The following DNAH11 variants were observed in gnomAD, a reference collection of about 807,000 sequenced individuals.
The protein encoded by DNAH11 is dynein axonemal heavy chain 11, also known as axonemal beta dynein heavy chain 11.
Under a neutral mutation model 526.0 loss-of-function variants are expected in DNAH11, and 442 were observed. The observed-to-expected ratio is 0.84, with a 90% CI of 0.78 to 0.91. The LOEUF (loss-of-function observed/expected upper bound fraction) is 0.91. DNAH11 is among the 40% of genes least tolerant of loss of function. DNAH11 has a pLI of 0.00. For missense variants in DNAH11, 6,989 were observed against 5,448.7 expected (o/e 1.28, Z -8.90); for synonymous variants, 2,461 against 1,935.9 (o/e 1.27, Z -7.12).
intron 50 of DNAH11, 56 bp downstream of exon 50, chr7:21,744,655 G>C: frequency 1.3e-6 from 2 of 1,587,082 alleles, no homozygotes; most frequent in Non-Finnish European, 1.7e-6. Context: ...TGGGTATTGG[G>C]ACTAAAGTTA....
chr7:21,626,157 T>C (rs2128456461), intron 25 of DNAH11, among the ~76,000 whole-genome samples: 1 of 152,232 alleles, frequency 6.6e-6, no homozygotes, highest in East Asian at 1.9e-4. Context: ...TAACACTGGG[T>C]CTTATGAGAC....
rs1176978999 is a variant in DNAH11 at position 21,543,350 on chromosome 7, C to T, written c.105C>T (p.Leu35=). ...TGGAGGCAGTGGGCGCTGTGGAGCT[C>T]GAGGAGGAGGAGGAGAACGAGGAGG... ...AGLEAVGAVE[L]EEEEENEEEA... Residue 35 remains leucine (L), a synonymous_variant, in exon 1 of 82, where the codon CTC becomes CTT. Transcript: ENST00000409508. The T allele has an allele frequency of 6.6e-6, 10 of 1,517,292 alleles. No homozygotes were observed. Among genetic ancestry groups the T allele is most frequent in the Non-Finnish European group, 8.0e-6 (9 of 1,122,062 alleles). The allele number at this position is 1,517,292 out of a possible 1,614,324, so 94.0% of individuals were successfully genotyped here.
chr7:21,597,180 C>T (rs1383705412), intron 14 of DNAH11, among the ~76,000 whole-genome samples: 5 of 152,004 alleles, frequency 3.3e-5, no homozygotes, highest in East Asian at 1.9e-4. Context: ...CTCTTCCTTT[C>T]GCTCCCTTTA....
chr7:21,764,414 G>A (rs959834040), intron 54 of DNAH11, among the ~76,000 whole-genome samples: 7 of 152,090 alleles, frequency 4.6e-5, no homozygotes, highest in Non-Finnish European at 8.8e-5. Flanking sequence ...TAGAGACTTA[G>A]AGGCAGCCAC....
chr7:21,763,329 A>G (rs2893048), intron 54 of DNAH11, among the ~76,000 whole-genome samples: 111,305 of 127,702 alleles, frequency 0.87, 49,001 homozygotes, highest in East Asian at 0.94. Context: ...GCAACAGAGC[A>G]AGACTGTCTC....
At chr7:21,850,171 A>G (rs959104692) in intron 66 of DNAH11, among the ~76,000 whole-genome samples, 2 of 149,840 alleles carry the variant, frequency 1.3e-5, no homozygotes, top group African/African-American at 5.0e-5. Flanking sequence ...CCTGGCTAAC[A>G]CGGTGAAACC....
chr7:21,815,008 A>C (rs929550548), intron 63 of DNAH11, among the ~76,000 whole-genome samples: 2 of 152,114 alleles, frequency 1.3e-5, no homozygotes, highest in Non-Finnish European at 2.9e-5. Flanking sequence ...GTCTTCATTT[A>C]TATTAAGATG....
rs1388542968 is a variant in DNAH11 at position 21,652,279 on chromosome 7, C to T, written c.4945-3553C>T. On this transcript the variant is annotated intron_variant, in intron 28 of 81. Coordinates refer to ENST00000409508, the MANE Select transcript of DNAH11 (RefSeq NM_001277115.2). ...GGAAAAACAAACATATTAAATAAAACAAACCTCCCAAACAACAAAAACTGA... is the reference window on the plus strand; with the variant it reads ...GGAAAAACAAACATATTAAATAAAATAAACCTCCCAAACAACAAAAACTGA... Among the ~76,000 whole-genome samples the T allele has an allele frequency of 2.6e-5, 4 of 152,154 alleles. No individual in the cohort carries two copies. In the East Asian group the frequency reaches 7.7e-4, roughly 29 times the overall value.
chr7:21,805,763 A>C (rs78644726), intron 62 of DNAH11, among the ~76,000 whole-genome samples: 390 of 152,328 alleles, frequency 2.6e-3, no homozygotes, highest in African/African-American at 9.0e-3. Flanking sequence ...AGGAAGGGAA[A>C]AGAAAATTGT....
intron 9 of DNAH11, among the ~76,000 whole-genome samples, chr7:21,585,955 T>C (rs1398802666): frequency 6.6e-6 from 1 of 152,216 alleles, no homozygotes; most frequent in Admixed American, 6.5e-5. Flanking sequence ...CTTCATAAAA[T>C]AGCTTTTAGT....
Position 21,632,684 on chromosome 7 carries a change from A to G in DNAH11, c.4501-3187A>G, listed in dbSNP as rs188886274. Among the ~76,000 whole-genome samples the G allele has an allele frequency of 1.2e-4, 18 of 152,220 alleles. No homozygotes were observed. The East Asian group carries it at 2.5e-3, about 21-fold the overall frequency. ...TCCATCTGAGACCACCTCAGCCTGGATTTCATTGTCTGTGTCATTATCAGC... is the reference window on the plus strand; with the variant it reads ...TCCATCTGAGACCACCTCAGCCTGGGTTTCATTGTCTGTGTCATTATCAGC... On this transcript the variant is annotated intron_variant, in intron 25 of 81. Coordinates refer to ENST00000409508, the MANE Select transcript of DNAH11 (RefSeq NM_001277115.2).
chr7:21,861,744 C>T, intron 68 of DNAH11, 109 bp from the exon 69 acceptor site: 2 of 1,365,564 alleles, frequency 1.5e-6, no homozygotes, highest in South Asian at 1.4e-5. Flanking sequence ...AATTTTGCCT[C>T]ATTCTCACTC....
At chr7:21,792,110 G>C (rs1457060804) in intron 61 of DNAH11, among the ~76,000 whole-genome samples, 1 of 152,084 alleles carries the variant, frequency 6.6e-6, no homozygotes, top group Non-Finnish European at 1.5e-5. Context: ...AGTTTGCTGA[G>C]CATTTTTATC....
In DNAH11 at chr7:21,704,729, C is replaced by T. The variant is rs1784200354; in HGVS notation, c.6468+101C>T. 10 of 1,296,622 alleles carry T rather than the reference C, an allele frequency of 7.7e-6. No individual in the cohort carries two copies. In the South Asian group the frequency reaches 1.3e-4, roughly 16 times the overall value. The allele number at this position is 1,296,622 out of a possible 1,614,324, so 80.3% of individuals were successfully genotyped here. On this transcript the variant is annotated intron_variant, in intron 38 of 81. Coordinates refer to ENST00000409508, the MANE Select transcript of DNAH11 (RefSeq NM_001277115.2). Reference sequence around the variant, plus strand: ...GCAAGATGTTAACTTGTACCCTAACCTTAATAGGATCTTAATATATGCTTT... The same window carrying T: ...GCAAGATGTTAACTTGTACCCTAACTTTAATAGGATCTTAATATATGCTTT...
chr7:21,639,868 GT>G (rs11421694), intron 28 of DNAH11, among the ~76,000 whole-genome samples: 13,448 of 149,144 alleles, frequency 0.09, 603 homozygotes, highest in South Asian at 0.18. Context: ...TTTTCTCCAT[GT>G]TTTTTTTTTC....
chr7:21,615,339 C>G (rs1443758543), intron 21 of DNAH11, 67 bp downstream of exon 21: 3 of 1,551,270 alleles, frequency 1.9e-6, no homozygotes, highest in African/African-American at 1.4e-5. Flanking sequence ...GTTTGTGGAG[C>G]CTATATTATT....
At chr7:21,785,269 A>G (rs1788124336) in intron 58 of DNAH11, among the ~76,000 whole-genome samples, 1 of 152,218 alleles carries the variant, frequency 6.6e-6, no homozygotes, top group Non-Finnish European at 1.5e-5. Flanking sequence ...TTCGTTTTGT[A>G]AGTATTTTTT....
intron 28 of DNAH11, among the ~76,000 whole-genome samples, chr7:21,652,104 G>T (rs1781802738): frequency 5.9e-5 from 9 of 152,236 alleles, no homozygotes; most frequent in Admixed American, 5.9e-4. Context: ...GGGAGTCACA[G>T]AAGAGAGAGC....
chr7:21,770,665 A>G (rs1325580179), intron 55 of DNAH11, among the ~76,000 whole-genome samples: 1 of 152,188 alleles, frequency 6.6e-6, no homozygotes, highest in Non-Finnish European at 1.5e-5. Flanking sequence ...CCTTCTTTTG[A>G]CTATTGCATG....
Sources: gnomAD v4.1 joint callset for allele counts (sites outside exome capture counted in the v4.1 genomes callset) on GRCh38, gnomAD v4.1.1 for gene constraint, MANE v1.5 for transcripts, NCBI Gene and HGNC (gene_info 2026-07-23, HGNC 2026-07-21) for gene names.